The following PKD1 variants were observed in gnomAD, a reference collection of about 807,000 sequenced individuals.
PKD1 encodes polycystin-1.
A neutral mutation model predicts 361.7 loss-of-function variants in PKD1; 81 were observed. That is an observed-to-expected ratio of 0.22 (90% CI 0.19 to 0.27). The LOEUF (loss-of-function observed/expected upper bound fraction) is 0.27, where lower values mean the gene tolerates loss of function less well. Among genes scored for constraint, PKD1 ranks in the 10% least tolerant of loss-of-function variants. The probability of loss-of-function intolerance (pLI) is 1.00; values close to 1 mark genes in which losing one functional copy is unlikely to be tolerated. For missense variants in PKD1, 6,399 were observed against 6,118.3 expected (o/e 1.05, Z -1.53); for synonymous variants, 3,615 against 2,818.3 (o/e 1.28, Z -8.95).
rs766223963 is a variant in PKD1 at position 2,092,544 on chromosome 16, G to A, written c.11205C>T (p.Val3735=). Residue 3735 remains valine (V), a synonymous_variant, in exon 39 of 46, where the codon GTC becomes GTT. Transcript: ENST00000262304. ...PWMAHVLLPY[V]HGNQSSPELG... is the part of the protein sequence containing the mutation. ...GCTCTGGGCTGGACTGGTTCCCGTG[G>A]ACGTAGGGCAGCAGCACGTGGGCCA... 1 of 1,612,674 alleles carries A rather than the reference G, an allele frequency of 6.2e-7. No homozygotes were observed. The highest frequency in any genetic ancestry group is 2.2e-5 in the East Asian group (1 of 44,878).
intron 1 of PKD1, among the ~76,000 whole-genome samples, chr16:2,129,015 GACC>G (rs915989860): frequency 2.0e-5 from 3 of 151,442 alleles, no homozygotes; most frequent in African/African-American, 7.3e-5. Flanking sequence ...AGGCGCCCAC[GACC>G]ACACCTCGCT....
At position 2,099,671 on chromosome 16, in the gene PKD1, A is replaced by C. The variant is rs964153797; in HGVS notation, c.10023T>G (p.Leu3341=). The change falls in exon 30 of 46, where the codon CTT becomes CTG. Residue 3341 remains leucine (L), a synonymous_variant. Coordinates refer to ENST00000262304, the MANE Select transcript of PKD1 (RefSeq NM_001009944.3). ...VVVYPVYLAI[L]FLFRMSRSKV... ...TGCTCCGGGACATCCGGAAGAGAAA[A>C]AGGATGGCCAGGTAGACGGGATAGA... 6.3e-7 allele frequency: 1 copy of C among 1,594,696 alleles called. No homozygotes were observed. The highest frequency in any genetic ancestry group is 1.7e-5 in the Admixed American group (1 of 59,634).
Position 2,107,311 on chromosome 16 carries a change from C to T in PKD1, c.7066-363G>A, listed in dbSNP as rs192727861. On this transcript the variant is annotated intron_variant, in intron 16 of 45. Coordinates refer to ENST00000262304, the MANE Select transcript of PKD1 (RefSeq NM_001009944.3). ...AGGCCTGACTCACAGACTCCTGCAG[C>T]CCTTAGCCAGGGCCTGGGTCAGGAG... 55 of 388,776 alleles carry T rather than the reference C, an allele frequency of 1.4e-4. No homozygotes were observed. The Admixed American group carries it at 2.0e-3, about 14-fold the overall frequency. The allele number at this position is 388,776 out of a possible 1,614,324, so 24.1% of individuals were successfully genotyped here.
At chr16:2,115,719 T>G in intron 9 of PKD1, 94 bp from the exon 10 acceptor site, 1 of 1,239,376 alleles carries the variant, frequency 8.1e-7, no homozygotes, top group Non-Finnish European at 1.1e-6. Flanking sequence ...GGCCTTGCTG[T>G]GAGGACAGGT....
Position 2,089,335 on chromosome 16 carries a change from G to A in PKD1, c.*392C>T, listed in dbSNP as rs887887822. On this transcript the variant is annotated 3_prime_UTR_variant, in exon 46 of 46. Transcript: ENST00000262304. Reference sequence around the variant, plus strand: ...AGGGAGTACGGTAGGAACTGGAGAGGTAATAACTTAGGGGCAGGGTGGCGG... The same window carrying A: ...AGGGAGTACGGTAGGAACTGGAGAGATAATAACTTAGGGGCAGGGTGGCGG... 7 of 321,854 alleles carry A rather than the reference G, an allele frequency of 2.2e-5. No individual in the cohort carries two copies. The highest frequency in any genetic ancestry group is 8.9e-5 in the South Asian group (2 of 22,440). 19.9% of individuals were successfully genotyped at this position (321,854 alleles called of 1,614,324 possible).
intron 1 of PKD1, among the ~76,000 whole-genome samples, chr16:2,126,475 G>C (rs1181950064): frequency 1.3e-5 from 2 of 152,282 alleles, no homozygotes; most frequent in African/African-American, 4.8e-5. Flanking sequence ...CCTGCCACCA[G>C]TGCCTGGGCA....
In PKD1 at chr16:2,113,086, G is replaced by A. The variant is rs190286250; in HGVS notation, c.2985+75C>T. ...TCGGGCAGCATGAAGCAGAGCAGAA[G>A]GCAGAGGTGAAGGTGGAGCCCGCCC... On this transcript the variant is annotated intron_variant, in intron 12 of 45. Coordinates refer to ENST00000262304, the MANE Select transcript of PKD1 (RefSeq NM_001009944.3). The A allele has an allele frequency of 7.4e-4, 839 of 1,126,694 alleles. 6 individuals carry two copies. In the Middle Eastern group the frequency reaches 0.01, roughly 13 times the overall value. The allele number at this position is 1,126,694 out of a possible 1,614,324, so 69.8% of individuals were successfully genotyped here.
Position 2,094,212 on chromosome 16 carries a change from T to G in PKD1, c.10500-2A>C, listed in dbSNP as rs1184150137. The G allele has an allele frequency of 1.3e-6, 2 of 1,558,862 alleles. No individual in the cohort carries two copies. The highest frequency in any genetic ancestry group is 1.8e-6 in the Non-Finnish European group (2 of 1,132,002). ...GTCTTCTCCCCAGGAGTGCTGGACC[T>G]GAGGGACATGGTAGGCTGTGAATTC... On this transcript the variant is annotated splice_acceptor_variant, in intron 34 of 45. Transcript: ENST00000262304. LOFTEE classifies it high-confidence loss of function.
rs376645810 is a variant in PKD1, at chr16:2,112,737, G to A, written c.3161+51C>T. On this transcript the variant is annotated intron_variant, in intron 13 of 45. Transcript: ENST00000262304. ...TGGGGGTCCCTCGGCTGAGGCTGGG[G>A]CTGGGACAAGAGCCTGGTGCCCACC... is the stretch of plus-strand genomic sequence containing the variant. 1.1e-3 allele frequency: 1,804 copies of A among 1,568,984 alleles called. 1 individual carries two copies. Among genetic ancestry groups the A allele is most frequent in the Middle Eastern group, 3.0e-3 (13 of 4,366 alleles).
rs1567207134 is a variant in PKD1 at position 2,112,928 on chromosome 16, C to T, written c.3021G>A (p.Val1007=). ...TASNHVSNVT[V]NYNVTVERMN... ...TCCGCTCCACGGTTACGTTGTAGTT[C>T]ACGGTGACGTTGCTCACGTGGTTGG... The change falls in exon 13 of 46, where the codon GTG becomes GTA. Residue 1007 remains valine (V), a synonymous_variant. Transcript: ENST00000262304. 3.7e-6 allele frequency: 6 copies of T among 1,604,332 alleles called. No individual in the cohort carries two copies. The highest frequency in any genetic ancestry group is 5.1e-6 in the Non-Finnish European group (6 of 1,179,756).
chr16:2,100,303 C>G lies in PKD1; in HGVS notation c.9575G>C (p.Ser3192Thr). ...IRVWHDNKGL[S>T]PAWFLQHVIV... The stretch of plus-strand genomic sequence containing the variant: ...GACGTGCTGCAGGAACCAGGCAGGG[C>G]TGAGCCCTGCAGAGGCGCAGGAGGG... The change falls in exon 28 of 46, where the codon AGC becomes ACC. Residue 3192 changes from serine to threonine, a missense_variant. Physicochemically the swap from Ser to Thr is moderately conservative, Grantham distance 58 (BLOSUM62 1). Transcript: ENST00000262304. The surrounding 1 kb of genome is among the most constrained non-coding windows in gnomAD (Gnocchi z 4.4). 3.1e-6 allele frequency: 5 copies of G among 1,610,742 alleles called. No individual in the cohort carries two copies. The highest frequency in any genetic ancestry group is 4.2e-6 in the Non-Finnish European group (5 of 1,179,700).
intron 16 of PKD1, 64 bp from the exon 17 acceptor site, chr16:2,107,012 C>G: frequency 6.7e-7 from 1 of 1,498,056 alleles, no homozygotes; most frequent in Non-Finnish European, 9.2e-7. Context: ...GACTGGGGGA[C>G]CCATGGAGGA....
chr16:2,097,561 C>T, intron 32 of PKD1, 58 bp from the exon 33 acceptor site: 1 of 1,604,672 alleles, frequency 6.2e-7, no homozygotes, highest in Non-Finnish European at 8.5e-7. Flanking sequence ...ACAGCCCACC[C>T]CCGTCCAGTC....
chr16:2,122,896 T>C (rs1456455515), intron 1 of PKD1, among the ~76,000 whole-genome samples: 3 of 151,918 alleles, frequency 2.0e-5, no homozygotes, highest in African/African-American at 4.8e-5. Flanking sequence ...CCCCCAGGCA[T>C]GGGGAGCAGC....
chr16:2,088,876 C>CGT lies in PKD1; in HGVS notation c.*850_*851insAC. Reference sequence around the variant, plus strand: ...GCCATACAGCACACTCGCGCGTGCGCGCGCGCACACACACACACACACAGT... The same window carrying CGT: ...GCCATACAGCACACTCGCGCGTGCGCGTGCGCGCACACACACACACACACAGT... On this transcript the variant is annotated 3_prime_UTR_variant, in exon 46 of 46. Transcript: ENST00000262304. 5 of 485,084 alleles carry CGT rather than the reference C, an allele frequency of 1.0e-5. No homozygotes were observed. The highest frequency in any genetic ancestry group is 6.3e-5 in the South Asian group (3 of 47,658). The allele number at this position is 485,084 out of a possible 1,614,324, so 30.0% of individuals were successfully genotyped here.
chr16:2,126,392 G>T (rs1352976345), intron 1 of PKD1, among the ~76,000 whole-genome samples: 5 of 152,272 alleles, frequency 3.3e-5, no homozygotes, highest in African/African-American at 9.6e-5. Flanking sequence ...TGCCAGGCTG[G>T]GCCAGGGCTG....
rs2151707310 is a variant in PKD1 at position 2,093,616 on chromosome 16, T to G, written c.10944A>C (p.Pro3648=). The G allele has an allele frequency of 6.2e-7, 1 of 1,609,122 alleles. No individual in the cohort carries two copies. Among genetic ancestry groups the G allele is most frequent in the Non-Finnish European group, 8.5e-7 (1 of 1,178,272 alleles). ...PVSARVPRVR[P]PHGFALFLAK... Reference sequence around the variant, plus strand: ...CCAGGAAGAGTGCAAAGCCGTGGGGTGGCCGTACGCGGGGCACACGTGCGC... The same window carrying G: ...CCAGGAAGAGTGCAAAGCCGTGGGGGGGCCGTACGCGGGGCACACGTGCGC... The change falls in exon 37 of 46, where the codon CCA becomes CCC. Residue 3648 remains proline, a synonymous_variant. Transcript: ENST00000262304.
intron 13 of PKD1, 43 bp from the exon 14 acceptor site, chr16:2,112,516 T>C: frequency 1.3e-6 from 2 of 1,527,294 alleles, no homozygotes; most frequent in Non-Finnish European, 1.8e-6. Flanking sequence ...GGGACAGGGG[T>C]GGGCGGTGGC....
chr16:2,101,609 C>T (rs1389063757), intron 26 of PKD1, among the ~76,000 whole-genome samples: 1 of 152,208 alleles, frequency 6.6e-6, no homozygotes, highest in Non-Finnish European at 1.5e-5. Context: ...CAGAGTGAGA[C>T]TCCGTCTCTA....
Sources: allele counts gnomAD v4.1 joint callset (sites outside exome capture counted in the v4.1 genomes callset), GRCh38; gene constraint gnomAD v4.1.1; non-coding constraint Gnocchi (gnomAD v3.1); transcripts MANE v1.5; gene names NCBI Gene and HGNC (gene_info 2026-07-23, HGNC 2026-07-21).